CD46: variants seen among roughly 807,000 people sequenced by gnomAD.
The protein encoded by CD46 is CD46 molecule.
CD46 carries 30 observed loss-of-function variants against 53.3 expected under a neutral mutation model. The ratio of observed to expected loss-of-function variants is 0.56; its 90% CI spans 0.42 to 0.76. The LOEUF is 0.76. Among genes scored for constraint, CD46 ranks in the 30% least tolerant of loss-of-function variants. The probability of loss-of-function intolerance (pLI) is 0.00; values close to 1 mark genes in which losing one functional copy is unlikely to be tolerated. For synonymous variants in CD46, 142 were observed against 152.0 expected (o/e 0.93, Z 0.48); for missense variants, 409 against 463.0 (o/e 0.88, Z 1.07).
At chr1:207,789,028 T>G (rs1039218806) in intron 11 of CD46, among the ~76,000 whole-genome samples, 1 of 152,234 alleles carries the variant, frequency 6.6e-6, no homozygotes, top group Non-Finnish European at 1.5e-5. Context: ...TACCATACTT[T>G]TTAGTCTTGG....
intron 8 of CD46, among the ~76,000 whole-genome samples, chr1:207,774,850 C>T (rs186752254): frequency 2.0e-5 from 3 of 152,212 alleles, no homozygotes; most frequent in Middle Eastern, 3.4e-3. Context: ...GTGAATCTGA[C>T]GATTATGTGT....
rs1446605551 is a variant in CD46, at chr1:207,752,164, G to A, written c.-49G>A. 1 of 1,565,830 alleles carries A rather than the reference G, an allele frequency of 6.4e-7. No homozygotes were observed. The highest frequency in any genetic ancestry group is 1.3e-5 in the African/African-American group (1 of 74,244). On this transcript the variant is annotated 5_prime_UTR_variant, in exon 1 of 13. Transcript: ENST00000367042. This position sits in a 1 kb window ranked among gnomAD's most constrained non-coding sequence, Gnocchi z 4.1. ...GGACTTCCCTGCTCGGCTGGCTCTC[G>A]GTTTCTCTGCTTTCCTCCGGAGAAA...
rs904111589 is a variant in CD46, at chr1:207,757,561, G to A, written c.308G>A (p.Arg103Gln). The change falls in exon 3 of 13, where the codon CGG becomes CAG. Residue 103 changes from arginine (R) to glutamine (Q), a missense_variant. Physicochemically the swap from Arg to Gln is conservative, Grantham distance 43. Coordinates refer to ENST00000367042, the MANE Select transcript of CD46 (RefSeq NM_172351.3). Reference protein sequence around the residue: ...ACYRETCPYIRDPLNGQAVPA... With the variant: ...ACYRETCPYIQDPLNGQAVPA... ...TCAGGAGAAACATGTCCATATATACGGGATCCTTTAAATGGCCAAGCAGTC... is the reference window on the plus strand; with the variant it reads ...TCAGGAGAAACATGTCCATATATACAGGATCCTTTAAATGGCCAAGCAGTC... The A allele has an allele frequency of 8.1e-6, 13 of 1,606,402 alleles. No individual in the cohort carries two copies. The highest frequency in any genetic ancestry group is 2.2e-5 in the South Asian group (2 of 90,396).
intron 3 of CD46, among the ~76,000 whole-genome samples, chr1:207,758,501 T>G (rs1216080502): frequency 6.6e-6 from 1 of 152,174 alleles, no homozygotes; most frequent in African/African-American, 2.4e-5. Flanking sequence ...CCTACAAGAA[T>G]GAGAACTCAT....
Position 207,772,691 on chromosome 1 carries a change from A to G in CD46, c.943+2329A>G, listed in dbSNP as rs115929468. Among the ~76,000 whole-genome samples, 1,520 of 152,070 alleles carry G rather than the reference A, an allele frequency of 1.0e-2. 31 individuals carry two copies. The highest frequency in any genetic ancestry group is 0.035 in the African/African-American group (1,436 of 41,456). On this transcript the variant is annotated intron_variant, in intron 8 of 12. Coordinates refer to ENST00000367042, the MANE Select transcript of CD46 (RefSeq NM_172351.3). ...TTTTGTTGTTAGTTCTGTTTTTGTG[A>G]TGGATTATGTTTATTGATTTGTTAA...
chr1:207,776,483 T>C (rs114776475), intron 8 of CD46, among the ~76,000 whole-genome samples: 1 of 152,234 alleles, frequency 6.6e-6, no homozygotes, highest in Non-Finnish European at 1.5e-5. Context: ...TATTCAGCCA[T>C]CTTGGACAAG....
intron 8 of CD46, among the ~76,000 whole-genome samples, chr1:207,772,577 A>G (rs759041048): frequency 3.9e-5 from 6 of 152,188 alleles, no homozygotes; most frequent in Non-Finnish European, 7.3e-5. Context: ...ATATTCCATC[A>G]ATACCTAGTT....
Position 207,770,335 on chromosome 1 carries a change from T to C in CD46, c.916T>C (p.Tyr306His). 6.2e-7 allele frequency: 1 copy of C among 1,605,856 alleles called. No homozygotes were observed. The highest frequency in any genetic ancestry group is 8.5e-7 in the Non-Finnish European group (1 of 1,172,870). The change falls in exon 8 of 13, where the codon TAC becomes CAC. Residue 306 changes from tyrosine to histidine, a missense_variant. Physicochemically the swap from Tyr to His is moderately conservative, Grantham distance 83. Coordinates refer to ENST00000367042, the MANE Select transcript of CD46 (RefSeq NM_172351.3). ...TATTTTTCTAGGTCCTAGGCCTACTTACAAGCCTCCAGTCTCAAATTATCC... is the reference window on the plus strand; with the variant it reads ...TATTTTTCTAGGTCCTAGGCCTACTCACAAGCCTCCAGTCTCAAATTATCC... Reference protein sequence around the residue: ...ASSASGPRPTYKPPVSNYPGY... With the variant: ...ASSASGPRPTHKPPVSNYPGY...
chr1:207,759,535 A>G (rs949166250), intron 3 of CD46, 104 bp from the exon 4 acceptor site: 16 of 679,014 alleles, frequency 2.4e-5, no homozygotes, highest in Non-Finnish European at 4.2e-5. Flanking sequence ...CACCCCCTCA[A>G]ACTACTGTAG....
At chr1:207,792,429 T>C (rs1659882284) in intron 12 of CD46, among the ~76,000 whole-genome samples, 1 of 152,218 alleles carries the variant, frequency 6.6e-6, no homozygotes, top group South Asian at 2.1e-4. Context: ...ACCATAATGA[T>C]GGCCTCCCCG....
chr1:207,772,303 T>C (rs982945017), intron 8 of CD46, among the ~76,000 whole-genome samples: 24 of 152,230 alleles, frequency 1.6e-4, no homozygotes, highest in Non-Finnish European at 3.1e-4. Context: ...GATTTTGGGC[T>C]GAGACGATGG....
rs1656998443 is a variant in CD46 at position 207,767,537 on chromosome 1, A to G, written c.857-242A>G. The G allele has an allele frequency of 4.9e-6, 6 of 1,226,572 alleles. No individual in the cohort carries two copies. In the East Asian group the frequency reaches 1.4e-4, roughly 28 times the overall value. 76.0% of individuals were successfully genotyped at this position (1,226,572 alleles called of 1,614,324 possible). A position where few individuals can be genotyped will look rare whatever the true frequency, so the allele number is the denominator to read the frequency against. On this transcript the variant is annotated intron_variant, in intron 6 of 12. Transcript: ENST00000367042. Reference sequence around the variant, plus strand: ...TATCTAAGTAAGTCAACAATGGCATAATTCATATAAATGAAATGAGAGCAA... The same window carrying G: ...TATCTAAGTAAGTCAACAATGGCATGATTCATATAAATGAAATGAGAGCAA...
At chr1:207,767,504 G>T (rs939822633) in intron 6 of CD46, 32 of 990,642 alleles carry the variant, frequency 3.2e-5, no homozygotes, top group Non-Finnish European at 5.2e-5. Context: ...TTGAAACATG[G>T]GCATTTTTAT....
intron 8 of CD46, among the ~76,000 whole-genome samples, chr1:207,777,283 G>C (rs544473286): frequency 6.6e-6 from 1 of 152,222 alleles, no homozygotes; most frequent in Non-Finnish European, 1.5e-5. Context: ...GTTAATCACT[G>C]TTAATAGTTT....
At chr1:207,788,991 C>T (rs943120482) in intron 11 of CD46, among the ~76,000 whole-genome samples, 9 of 152,202 alleles carry the variant, frequency 5.9e-5, no homozygotes, top group African/African-American at 2.2e-4. Flanking sequence ...CTTTTCCCTT[C>T]CCATTTCCTT....
chr1:207,771,471 C>T (rs759974396), intron 8 of CD46, among the ~76,000 whole-genome samples: 9 of 151,834 alleles, frequency 5.9e-5, no homozygotes, highest in Non-Finnish European at 7.4e-5. Context: ...AGTATTTGCC[C>T]GTGCCTATGT....
At chr1:207,770,237 TA>T (rs1657342685) in intron 7 of CD46, 83 bp from the exon 8 acceptor site, 1 of 1,005,330 alleles carries the variant, frequency 9.9e-7, no homozygotes, top group African/African-American at 1.6e-5. Flanking sequence ...TTGATAAACT[TA>T]AAAAATCAAT....
At chr1:207,789,563 C>T (rs188147287) in intron 11 of CD46, among the ~76,000 whole-genome samples, 15 of 152,162 alleles carry the variant, frequency 9.9e-5, no homozygotes, top group East Asian at 9.6e-4. Context: ...AAATATGAGA[C>T]GCCATGTAAT....
rs1184462873 is a variant in CD46, at chr1:207,785,659, T to C, written c.1059T>C (p.Tyr353=). 6.2e-6 allele frequency: 10 copies of C among 1,610,112 alleles called. No individual in the cohort carries two copies. The highest frequency in any genetic ancestry group is 3.3e-5 in the South Asian group (3 of 91,018). Residue 353 remains tyrosine, a synonymous_variant, in exon 11 of 13, where the codon TAT becomes TAC. Coordinates refer to ENST00000367042, the MANE Select transcript of CD46 (RefSeq NM_172351.3). The part of the protein sequence containing the change: ...VAVICVVPYR[Y]LQRRKKKGTY... ...TAATTTGTGTTGTCCCGTACAGATA[T>C]CTTCAAAGGAGGAAGAAGAAAGGGT...
Sources: gnomAD v4.1 joint callset for allele counts (sites outside exome capture counted in the v4.1 genomes callset) on GRCh38, gnomAD v4.1.1 for gene constraint, Gnocchi (gnomAD v3.1) non-coding constraint, MANE v1.5 for transcripts, NCBI Gene and HGNC (gene_info 2026-07-23, HGNC 2026-07-21) for gene names.